The following CSNK2A2IP variants were observed in gnomAD, a reference collection of about 807,000 sequenced individuals.
CSNK2A2IP encodes the protein casein kinase II subunit alpha'-interacting protein.
At chr3:88,460,092 T>G in the CSNK2A2IP span, among the ~76,000 whole-genome samples, 1 of 152,176 alleles carries the variant, frequency 6.6e-6, no homozygotes. Flanking sequence ...CATATAACAT[T>G]ATAAATATCT....
chr3:88,395,263 C>G, the CSNK2A2IP span, among the ~76,000 whole-genome samples: 1 of 152,118 alleles, frequency 6.6e-6, no homozygotes, highest in African/African-American at 2.4e-5. Flanking sequence ...ATCCAATAAT[C>G]ATGAAAAATT....
At chr3:88,438,269 TTAAAG>T in the CSNK2A2IP span, among the ~76,000 whole-genome samples, 99 of 152,268 alleles carry the variant, frequency 6.5e-4, no homozygotes, top group Non-Finnish European at 1.1e-3. Context: ...AGATAATACT[TTAAAG>T]TATGGTGGTT....
chr3:88,351,245 T>G, the CSNK2A2IP span, among the ~76,000 whole-genome samples: 1 of 152,118 alleles, frequency 6.6e-6, no homozygotes, highest in Non-Finnish European at 1.5e-5. Context: ...AGAGAAAACT[T>G]CATTCATATT....
At chr3:88,384,568 T>C in the CSNK2A2IP span, among the ~76,000 whole-genome samples, 1 of 152,054 alleles carries the variant, frequency 6.6e-6, no homozygotes, top group Non-Finnish European at 1.5e-5. Context: ...TATGAAAAGA[T>C]CCTGGTAGGA....
the CSNK2A2IP span, among the ~76,000 whole-genome samples, chr3:88,452,202 G>GC: frequency 1.4e-5 from 2 of 147,746 alleles, no homozygotes; most frequent in South Asian, 4.2e-4. Context: ...TACTTCCTCT[G>GC]CATCCTATGC....
the CSNK2A2IP span, among the ~76,000 whole-genome samples, chr3:88,419,933 G>C: frequency 6.6e-6 from 1 of 152,166 alleles, no homozygotes; most frequent in Non-Finnish European, 1.5e-5. Flanking sequence ...AAGGCTCTAA[G>C]GGAGTTACGA....
chr3:88,363,560 G>T, the CSNK2A2IP span, among the ~76,000 whole-genome samples: 1 of 152,016 alleles, frequency 6.6e-6, no homozygotes, highest in Non-Finnish European at 1.5e-5. Flanking sequence ...TTGCTTTCAT[G>T]CTTGGTAATC....
the CSNK2A2IP span, among the ~76,000 whole-genome samples, chr3:88,374,025 T>A: frequency 5.3e-5 from 8 of 151,660 alleles, no homozygotes; most frequent in Non-Finnish European, 1.2e-4. Context: ...CTTTGGTAAA[T>A]CCTATCAAAT....
At chr3:88,384,862 G>A in the CSNK2A2IP span, among the ~76,000 whole-genome samples, 1 of 152,162 alleles carries the variant, frequency 6.6e-6, no homozygotes, top group Non-Finnish European at 1.5e-5. Context: ...ACTGGTTGAA[G>A]GCAGTGAGGG....
the CSNK2A2IP span, among the ~76,000 whole-genome samples, chr3:88,450,375 A>G: frequency 6.6e-6 from 1 of 152,246 alleles, no homozygotes; most frequent in African/African-American, 2.4e-5. Flanking sequence ...GTTACTTATA[A>G]TTCTCATGTT....
At chr3:88,465,243 A>T in the CSNK2A2IP span, 1 of 525,454 alleles carries the variant, frequency 1.9e-6, no homozygotes, top group Non-Finnish European at 2.9e-6. Flanking sequence ...GATAAAAGCT[A>T]GCAACTGTTA....
chr3:88,421,835 A>C, the CSNK2A2IP span, among the ~76,000 whole-genome samples: 3 of 152,222 alleles, frequency 2.0e-5, no homozygotes, highest in Non-Finnish European at 4.4e-5. Context: ...TGCTCTTAGC[A>C]GTGTTGTAAG....
chr3:88,373,708 A>T, the CSNK2A2IP span, among the ~76,000 whole-genome samples: 3 of 151,258 alleles, frequency 2.0e-5, no homozygotes, highest in Non-Finnish European at 3.0e-5. Flanking sequence ...TAAAGCCAAA[A>T]GTTAATTATT....
the CSNK2A2IP span, among the ~76,000 whole-genome samples, chr3:88,366,556 C>T: frequency 6.6e-6 from 1 of 152,034 alleles, no homozygotes; most frequent in South Asian, 2.1e-4. Flanking sequence ...GTGTCCCCTA[C>T]CATGTTTATA....
At chr3:88,418,730 G>A in the CSNK2A2IP span, among the ~76,000 whole-genome samples, 2 of 151,982 alleles carry the variant, frequency 1.3e-5, no homozygotes, top group South Asian at 2.1e-4. Context: ...GTGGGTTTTG[G>A]TGTATAGATT....
chr3:88,387,444 C>T, the CSNK2A2IP span, among the ~76,000 whole-genome samples: 3 of 152,162 alleles, frequency 2.0e-5, no homozygotes, highest in African/African-American at 7.2e-5. Flanking sequence ...GCTGGGATTA[C>T]AGGCATGAGC....
chr3:88,432,525 A>T, the CSNK2A2IP span, among the ~76,000 whole-genome samples: 1 of 151,718 alleles, frequency 6.6e-6, no homozygotes, highest in Non-Finnish European at 1.5e-5. Context: ...AGAGGCAACT[A>T]TATGTTAAGC....
chr3:88,415,304 A>G, the CSNK2A2IP span, among the ~76,000 whole-genome samples: 4 of 152,060 alleles, frequency 2.6e-5, no homozygotes, highest in Admixed American at 6.6e-5. Context: ...AAAATTTATA[A>G]TGAAGATAAA....
chr3:88,427,311 A>G, the CSNK2A2IP span, among the ~76,000 whole-genome samples: 1 of 152,224 alleles, frequency 6.6e-6, no homozygotes, highest in Non-Finnish European at 1.5e-5. Context: ...TAAGCTGCAA[A>G]GCGTTCAAGA....
Sources: allele counts gnomAD v4.1 joint callset (sites outside exome capture counted in the v4.1 genomes callset), GRCh38; gene constraint gnomAD v4.1.1; transcripts MANE v1.5; gene names NCBI Gene and HGNC (gene_info 2026-07-23, HGNC 2026-07-21).